Variants in TUBGCP4 observed in about 807,000 individuals in gnomAD.
The protein encoded by TUBGCP4 is gamma-tubulin complex component 4.
TUBGCP4 carries 54 observed loss-of-function variants against 91.6 expected under a neutral mutation model. The ratio of observed to expected loss-of-function variants is 0.59; its 90% CI spans 0.47 to 0.74. The LOEUF (loss-of-function observed/expected upper bound fraction) is 0.74. Among genes scored for constraint, TUBGCP4 ranks in the 30% least tolerant of loss-of-function variants. The pLI is 0.00. For synonymous variants in TUBGCP4, 297 were observed against 302.8 expected, an observed-to-expected ratio of 0.98 and a Z score of 0.20; for missense variants, 593 against 800.9, an observed-to-expected ratio of 0.74 and a Z score of 3.13.
intron 1 of TUBGCP4, among the ~76,000 whole-genome samples, chr15:43,372,128 T>C (rs1252085863): frequency 6.6e-6 from 1 of 152,252 alleles, no homozygotes; most frequent in Non-Finnish European, 1.5e-5. Flanking sequence ...TACCTGCTTC[T>C]GCTTCCAGTA....
intron 7 of TUBGCP4, among the ~76,000 whole-genome samples, chr15:43,384,316 G>A (rs1426873351): frequency 6.6e-6 from 1 of 152,202 alleles, no homozygotes; most frequent in Admixed American, 6.5e-5. Flanking sequence ...ATATAGAAAA[G>A]TAAACAGTTA....
At chr15:43,382,211 C>CA (rs59500630) in intron 6 of TUBGCP4, among the ~76,000 whole-genome samples, 35,594 of 131,488 alleles carry the variant, frequency 0.27, 7,656 homozygotes, top group African/African-American at 0.59. Context: ...GACCCTGTCT[C>CA]AAAAAAAAAA....
chr15:43,377,095 T>C (rs2044217410), intron 4 of TUBGCP4, 28 bp downstream of exon 4: 5 of 1,572,274 alleles, frequency 3.2e-6, no homozygotes, highest in Non-Finnish European at 4.4e-6. Flanking sequence ...CCAAATGCCT[T>C]GCAATCTGTT....
At chr15:43,380,207 T>C in intron 6 of TUBGCP4, 44 bp downstream of exon 6, 2 of 1,521,066 alleles carry the variant, frequency 1.3e-6, no homozygotes, top group Non-Finnish European at 9.1e-7. Context: ...AGGTGGGTGG[T>C]CAAATTATTT....
At chr15:43,374,534 C>A (rs1272620238) in intron 1 of TUBGCP4, among the ~76,000 whole-genome samples, 1 of 152,132 alleles carries the variant, frequency 6.6e-6, no homozygotes, top group South Asian at 2.1e-4. Flanking sequence ...ATTGGTTGAA[C>A]CTAGGGGTTC....
At chr15:43,402,481 A>G (rs2142887702) in intron 15 of TUBGCP4, 1 of 152,580 alleles carries the variant, frequency 6.6e-6, no homozygotes, top group East Asian at 1.9e-4. Context: ...AAAAGCATAT[A>G]GAGTTCACCT....
intron 15 of TUBGCP4, chr15:43,403,463 A>G (rs970883876): frequency 1.5e-5 from 7 of 481,652 alleles, no homozygotes; most frequent in African/African-American, 9.8e-5. Context: ...TGCAGGGCTA[A>G]GAGAGTAATA....
intron 12 of TUBGCP4, among the ~76,000 whole-genome samples, chr15:43,397,644 A>G (rs1403798257): frequency 2.0e-5 from 3 of 152,180 alleles, no homozygotes; most frequent in Non-Finnish European, 4.4e-5. Context: ...AGAACCTCAC[A>G]TAGAAGTTTC....
rs2044200598 is a variant in TUBGCP4 at position 43,376,123 on chromosome 15, A to G, written c.104A>G (p.His35Arg). ...GTATCGCAGGACTTCCCTTTCCTCC[A>G]CCCCAGTGAGACCAGTGTCCTGAAT... Reference protein sequence around the residue: ...LQVSQDFPFLHPSETSVLNRL... With the variant: ...LQVSQDFPFLRPSETSVLNRL... The change falls in exon 2 of 18, where the codon CAC becomes CGC. Residue 35 changes from histidine to arginine, a missense_variant. His to Arg is a conservative substitution (Grantham distance 29, BLOSUM62 0). Coordinates refer to ENST00000564079, the MANE Select transcript of TUBGCP4 (RefSeq NM_014444.5). 1 of 1,612,462 alleles carries G rather than the reference A, an allele frequency of 6.2e-7. No homozygotes were observed. Among genetic ancestry groups the G allele is most frequent in the Non-Finnish European group, 8.5e-7 (1 of 1,178,896 alleles).
In TUBGCP4 at chr15:43,407,340, T is replaced by A; in HGVS notation, c.*2126T>A. The A allele has an allele frequency of 6.4e-7, 1 of 1,574,184 alleles. No individual in the cohort carries two copies. The highest frequency in any genetic ancestry group is 8.7e-7 in the Non-Finnish European group (1 of 1,148,180). On this transcript the variant is annotated 3_prime_UTR_variant, in exon 18 of 18. Coordinates refer to ENST00000564079, the MANE Select transcript of TUBGCP4 (RefSeq NM_014444.5). ...CATTTAAAACCTGGTTAAAACACAA[T>A]CTCCACGATAGCAGGGAATAAAACC...
At position 43,409,756 on chromosome 15, in the gene TUBGCP4, A is replaced by T. The variant is rs762505165; in HGVS notation, c.*4542A>T. ...TTCCAAAAATTCTATATTAAAAAAA[A>T]AAACCAAGATAATAATTACTGAGTG... On this transcript the variant is annotated 3_prime_UTR_variant, in exon 18 of 18. Coordinates refer to ENST00000564079, the MANE Select transcript of TUBGCP4 (RefSeq NM_014444.5). 8.0e-6 allele frequency: 11 copies of T among 1,376,936 alleles called. No homozygotes were observed. The Admixed American group carries it at 1.1e-4, about 14-fold the overall frequency. 85.3% of individuals were successfully genotyped at this position (1,376,936 alleles called of 1,614,324 possible). A position where few individuals can be genotyped will look rare whatever the true frequency, so the allele number is the denominator to read the frequency against.
In TUBGCP4 at chr15:43,373,800, C is replaced by T. The variant is rs181718745; in HGVS notation, c.79-2298C>T. On this transcript the variant is annotated intron_variant, in intron 1 of 17. Transcript: ENST00000564079. The stretch of plus-strand genomic sequence containing the variant: ...AGCAGCTGGGACTACAGGCGCCTGC[C>T]GCCACACCCGGCTAATTTTTTTGTA... 3.5e-3 allele frequency among the ~76,000 whole-genome samples: 530 copies of T among 152,198 alleles called. 3 individuals carry two copies. Among genetic ancestry groups the T allele is most frequent in the African/African-American group, 0.012 (501 of 41,504 alleles).
chr15:43,405,547 TAAAC>T lies in TUBGCP4; in HGVS notation c.*340_*343del, dbSNP rs898249102. ...GTTCAAGCTGTGGGAGATACAGCGGTAAACAAACAATATAGAGCAGAAAGTTAAA... is the reference window on the plus strand; with the variant it reads ...GTTCAAGCTGTGGGAGATACAGCGGTAAACAATATAGAGCAGAAAGTTAAA... On this transcript the variant is annotated 3_prime_UTR_variant, in exon 18 of 18. Coordinates refer to ENST00000564079, the MANE Select transcript of TUBGCP4 (RefSeq NM_014444.5). 2.9e-5 allele frequency: 9 copies of T among 315,380 alleles called. No homozygotes were observed. The East Asian group carries it at 3.4e-4, about 12-fold the overall frequency. 19.5% of individuals were successfully genotyped at this position (315,380 alleles called of 1,614,324 possible). A position where few individuals can be genotyped will look rare whatever the true frequency, so the allele number is the denominator to read the frequency against.
intron 15 of TUBGCP4, chr15:43,402,183 G>A: frequency 4.7e-6 from 1 of 212,034 alleles, no homozygotes; most frequent in South Asian, 7.7e-5. Flanking sequence ...GGAGGCCTGA[G>A]GCAGGAGAAT....
In TUBGCP4 at chr15:43,403,724, T is replaced by C. The variant is rs2044756334; in HGVS notation, c.1773T>C (p.Ser591=). 1 of 1,613,324 alleles carries C rather than the reference T, an allele frequency of 6.2e-7. No individual in the cohort carries two copies. The highest frequency in any genetic ancestry group is 8.5e-7 in the Non-Finnish European group (1 of 1,179,892). ...ATGAAATCCTAGATCTCTGTCACAG[T>C]TTTTGTTCGCTGGTCAGTCAGAACC... ...CLNEILDLCH[S]FCSLVSQNLG... is the part of the protein sequence containing the mutation. Residue 591 remains serine, a synonymous_variant, in exon 16 of 18, where the codon AGT becomes AGC. Transcript: ENST00000564079.
chr15:43,376,924 C>G, intron 3 of TUBGCP4, 90 bp from the exon 4 acceptor site: 1 of 1,131,892 alleles, frequency 8.8e-7, no homozygotes, highest in Non-Finnish European at 1.3e-6. Context: ...AACACTTAAG[C>G]CCATCATGAG....
intron 1 of TUBGCP4, among the ~76,000 whole-genome samples, chr15:43,372,056 A>G (rs2044132147): frequency 1.3e-5 from 2 of 152,198 alleles, no homozygotes; most frequent in South Asian, 4.1e-4. Flanking sequence ...GGTCATAGCT[A>G]GTAATTAACA....
At chr15:43,386,620 G>A (rs549377386) in intron 9 of TUBGCP4, among the ~76,000 whole-genome samples, 6 of 146,916 alleles carry the variant, frequency 4.1e-5, no homozygotes, top group African/African-American at 1.0e-4. Context: ...AGCTACTTAC[G>A]AGGCTGAGGC....
intron 9 of TUBGCP4, among the ~76,000 whole-genome samples, chr15:43,391,969 T>G (rs1442325628): frequency 6.6e-6 from 1 of 151,924 alleles, no homozygotes; most frequent in Admixed American, 6.6e-5. Flanking sequence ...GCAGGGGAAT[T>G]GCTTGAACCT....
Sources: gnomAD v4.1 joint callset for allele counts (sites outside exome capture counted in the v4.1 genomes callset) on GRCh38, gnomAD v4.1.1 for gene constraint, MANE v1.5 for transcripts, NCBI Gene and HGNC (gene_info 2026-07-23, HGNC 2026-07-21) for gene names.